The following ASH1L variants were observed in gnomAD, a reference collection of about 807,000 sequenced individuals.
The protein encoded by ASH1L is histone-lysine N-methyltransferase ASH1L.
A neutral mutation model predicts 269.0 loss-of-function variants in ASH1L; 23 were observed. The ratio of observed to expected loss-of-function variants is 0.09; its 90% CI spans 0.06 to 0.12. The LOEUF is 0.12. Among genes scored for constraint, ASH1L ranks in the 10% least tolerant of loss-of-function variants. ASH1L has a pLI of 1.00. For missense variants in ASH1L, 2,912 were observed against 3,567.8 expected, an observed-to-expected ratio of 0.82 and a Z score of 4.68; for synonymous variants, 1,187 against 1,253.5, an observed-to-expected ratio of 0.95 and a Z score of 1.12.
At chr1:155,423,462 G>A (rs181141575) in intron 5 of ASH1L, among the ~76,000 whole-genome samples, 2 of 151,966 alleles carry the variant, frequency 1.3e-5, no homozygotes, top group East Asian at 2.0e-4. Context: ...CCAGCTACTC[G>A]GGAGGCTGAC....
chr1:155,347,546 A>G, intron 20 of ASH1L, 110 bp downstream of exon 20: 2 of 1,374,004 alleles, frequency 1.5e-6, no homozygotes, highest in Non-Finnish European at 2.0e-6. Flanking sequence ...GCTAAGTTAC[A>G]GTTCATAAAC....
At chr1:155,369,446 CAA>C (rs112098227) in intron 12 of ASH1L, among the ~76,000 whole-genome samples, 7 of 108,150 alleles carry the variant, frequency 6.5e-5, no homozygotes, top group Admixed American at 1.9e-4. Context: ...GACTCCGTCT[CAA>C]AAAAAAAAAA....
intron 5 of ASH1L, among the ~76,000 whole-genome samples, chr1:155,425,282 T>TC (rs1280747434): frequency 6.7e-6 from 1 of 149,104 alleles, no homozygotes; most frequent in Non-Finnish European, 1.5e-5. Context: ...GCCTAGTTTT[T>TC]TTTTTTTTTT....
intron 1 of ASH1L, among the ~76,000 whole-genome samples, chr1:155,544,410 C>A (rs1670651859): frequency 1.3e-5 from 2 of 151,944 alleles, no homozygotes; most frequent in Admixed American, 6.6e-5. Flanking sequence ...CCTCAGCCTC[C>A]CGAGTAGCTG....
chr1:155,367,868 T>G (rs1262071333), intron 12 of ASH1L, among the ~76,000 whole-genome samples: 2 of 152,248 alleles, frequency 1.3e-5, no homozygotes, highest in Non-Finnish European at 2.9e-5. Flanking sequence ...TGTTGATATT[T>G]TATTTAGGAT....
At position 155,377,579 on chromosome 1, in the gene ASH1L, A is replaced by G. The variant is rs184544447; in HGVS notation, c.6332+702T>C. 1.1e-3 allele frequency among the ~76,000 whole-genome samples: 162 copies of G among 151,526 alleles called. 1 individual carries two copies. Among genetic ancestry groups the G allele is most frequent in the African/African-American group, 3.8e-3 (157 of 40,824 alleles). The stretch of plus-strand genomic sequence containing the variant: ...ACCCTATCTCTAAAAAAAACAAAAC[A>G]AAACAAAACAAAAACCCCAAAACAA... On this transcript the variant is annotated intron_variant, in intron 10 of 27. Coordinates refer to ENST00000392403, the MANE Select transcript of ASH1L (RefSeq NM_018489.3).
In ASH1L at chr1:155,521,388, C is replaced by T. The variant is rs755691746; in HGVS notation, c.132G>A (p.Lys44=). 1.9e-6 allele frequency: 3 copies of T among 1,614,124 alleles called. No homozygotes were observed. The change falls in exon 2 of 28, where the codon AAG becomes AAA. Residue 44 remains lysine (K), a synonymous_variant. Transcript: ENST00000392403. ...KREVELEKNT[K]EEEDLRKRNR... ...TCCGTTTGCGAAGGTCCTCTTCCTC[C>T]TTTGTGTTTTTTTCTAGCTCTACTT...
chr1:155,457,701 G>A (rs559958313), intron 4 of ASH1L, among the ~76,000 whole-genome samples: 2 of 152,176 alleles, frequency 1.3e-5, no homozygotes, highest in Admixed American at 6.5e-5. Flanking sequence ...AATCTTACTC[G>A]TATTTGTATT....
intron 2 of ASH1L, among the ~76,000 whole-genome samples, chr1:155,490,082 C>T (rs929899894): frequency 1.3e-5 from 2 of 151,652 alleles, no homozygotes; most frequent in Non-Finnish European, 2.9e-5. Context: ...CACTCTCCTG[C>T]CTCAGCCTCC....
At chr1:155,431,978 A>G (rs1330168926) in intron 5 of ASH1L, among the ~76,000 whole-genome samples, 1 of 152,038 alleles carries the variant, frequency 6.6e-6, no homozygotes, top group Non-Finnish European at 1.5e-5. Flanking sequence ...TCTTTTTAAA[A>G]CCAGGATTTG....
At chr1:155,452,312 T>G (rs1311466166) in intron 4 of ASH1L, among the ~76,000 whole-genome samples, 1 of 152,122 alleles carries the variant, frequency 6.6e-6, no homozygotes, top group Non-Finnish European at 1.5e-5. Context: ...GTGCTGGGAT[T>G]ACAGGCGTGA....
At chr1:155,433,307 G>A in intron 5 of ASH1L, 6 of 1,579,280 alleles carry the variant, frequency 3.8e-6, no homozygotes, top group Non-Finnish European at 5.2e-6. Flanking sequence ...AGGCCCTCCT[G>A]GAGGGCCAGG....
chr1:155,506,734 T>C (rs116164252), intron 2 of ASH1L, among the ~76,000 whole-genome samples: 37 of 152,190 alleles, frequency 2.4e-4, no homozygotes, highest in African/African-American at 8.2e-4. Flanking sequence ...CTACCAGTTA[T>C]ATAGCATTAT....
intron 13 of ASH1L, among the ~76,000 whole-genome samples, chr1:155,359,750 A>AT (rs2148380275): frequency 6.6e-6 from 1 of 151,950 alleles, no homozygotes; most frequent in African/African-American, 2.4e-5. Flanking sequence ...TAGTTTTTGC[A>AT]TTTTTTTGGT....
chr1:155,528,711 T>C (rs1203776591), intron 1 of ASH1L, among the ~76,000 whole-genome samples: 1 of 152,180 alleles, frequency 6.6e-6, no homozygotes, highest in African/African-American at 2.4e-5. Flanking sequence ...TTTTTTAATA[T>C]ATTTAACTTT....
chr1:155,405,687 G>T (rs892359172), intron 6 of ASH1L, among the ~76,000 whole-genome samples: 1 of 151,568 alleles, frequency 6.6e-6, no homozygotes, highest in Non-Finnish European at 1.5e-5. Context: ...AAAATTAGCC[G>T]GGCATGGTGG....
chr1:155,552,901 A>G (rs1671312795), intron 1 of ASH1L, among the ~76,000 whole-genome samples: 1 of 152,146 alleles, frequency 6.6e-6, no homozygotes, highest in Non-Finnish European at 1.5e-5. Flanking sequence ...TAACAAATAC[A>G]CATTATTTGC....
chr1:155,441,675 C>T (rs200895049), intron 4 of ASH1L, among the ~76,000 whole-genome samples: 1 of 151,058 alleles, frequency 6.6e-6, no homozygotes, highest in Admixed American at 6.6e-5. Context: ...ACCATGTTAG[C>T]CAGGATGGTC....
chr1:155,425,300 CAG>C (rs1404050298), intron 5 of ASH1L, among the ~76,000 whole-genome samples: 2 of 132,646 alleles, frequency 1.5e-5, no homozygotes, highest in Non-Finnish European at 3.2e-5. Flanking sequence ...TTTTTTGAGA[CAG>C]AGTCTTCCTC....
Sources: gnomAD v4.1 joint callset for allele counts (sites outside exome capture counted in the v4.1 genomes callset) on GRCh38, gnomAD v4.1.1 for gene constraint, MANE v1.5 for transcripts, NCBI Gene and HGNC (gene_info 2026-07-23, HGNC 2026-07-21) for gene names.